The following TMEM117 variants were observed in gnomAD, a reference collection of about 807,000 sequenced individuals.
The protein encoded by TMEM117 is transmembrane protein 117.
A neutral mutation model predicts 52.4 loss-of-function variants in TMEM117; 27 were observed. The ratio of observed to expected loss-of-function variants is 0.51; its 90% CI spans 0.38 to 0.71. The LOEUF is 0.71. Ranked by LOEUF, TMEM117 falls within the 30% of genes least tolerant of loss-of-function variation. The probability of loss-of-function intolerance (pLI) is 0.00; values close to 1 mark genes in which losing one functional copy is unlikely to be tolerated. For missense variants in TMEM117, 556 were observed against 630.5 expected (o/e 0.88, Z 1.26); for synonymous variants, 215 against 206.3 (o/e 1.04, Z -0.36).
At chr12:44,002,287 C>T (rs937684826) in intron 3 of TMEM117, among the ~76,000 whole-genome samples, 1 of 152,132 alleles carries the variant, frequency 6.6e-6, no homozygotes, top group Non-Finnish European at 1.5e-5. Flanking sequence ...TAGAATAACC[C>T]CTTTTATGGA....
At chr12:44,385,099 A>T (rs1026568925) in intron 7 of TMEM117, among the ~76,000 whole-genome samples, 1 of 152,170 alleles carries the variant, frequency 6.6e-6, no homozygotes, top group Non-Finnish European at 1.5e-5. Flanking sequence ...TAAACAGGTT[A>T]CCCAAGGTCA....
chr12:44,300,150 G>A, intron 6 of TMEM117, among the ~76,000 whole-genome samples: 1 of 152,190 alleles, frequency 6.6e-6, no homozygotes. Flanking sequence ...GGGTTTTATA[G>A]CAGTTGAAAT....
At chr12:44,125,018 A>G (rs543914121) in intron 3 of TMEM117, among the ~76,000 whole-genome samples, 4 of 152,276 alleles carry the variant, frequency 2.6e-5, no homozygotes, top group African/African-American at 7.2e-5. Context: ...GGTAGAATTC[A>G]GCTGTGAATC....
intron 4 of TMEM117, among the ~76,000 whole-genome samples, chr12:44,180,222 C>CCATCAT (rs571227123): frequency 1.3e-5 from 2 of 151,758 alleles, no homozygotes; most frequent in African/African-American, 2.4e-5. Flanking sequence ...ATCACCATCA[C>CCATCAT]CATCATCATC....
intron 3 of TMEM117, among the ~76,000 whole-genome samples, chr12:44,101,172 CA>C (rs149035172): frequency 0.08 from 12,078 of 151,696 alleles, 1,389 homozygotes; most frequent in African/African-American, 0.26. Flanking sequence ...CTAATACCAC[CA>C]AATTAGAGAT....
At chr12:43,994,270 A>G (rs1433666811) in intron 3 of TMEM117, among the ~76,000 whole-genome samples, 2 of 152,190 alleles carry the variant, frequency 1.3e-5, no homozygotes, top group African/African-American at 2.4e-5. Flanking sequence ...AGTCAGAACT[A>G]AGGCAGTAAG....
chr12:44,135,221 G>T (rs1379085324), intron 3 of TMEM117, among the ~76,000 whole-genome samples: 1 of 152,104 alleles, frequency 6.6e-6, no homozygotes, highest in African/African-American at 2.4e-5. Flanking sequence ...GGGCATCATT[G>T]TATATGTCTC....
intron 6 of TMEM117, among the ~76,000 whole-genome samples, chr12:44,370,014 C>T (rs912142922): frequency 3.3e-5 from 5 of 152,198 alleles, no homozygotes; most frequent in African/African-American, 1.2e-4. Context: ...CAGGGCATCT[C>T]TTAACATTCA....
At chr12:43,874,383 C>G (rs1242743927) in intron 2 of TMEM117, among the ~76,000 whole-genome samples, 1 of 151,620 alleles carries the variant, frequency 6.6e-6, no homozygotes, top group African/African-American at 2.4e-5. Flanking sequence ...GAGTTTGAGA[C>G]CAGCCTGGTC....
At chr12:44,265,365 T>C (rs1950365421) in intron 5 of TMEM117, among the ~76,000 whole-genome samples, 1 of 152,164 alleles carries the variant, frequency 6.6e-6, no homozygotes, top group Non-Finnish European at 1.5e-5. Flanking sequence ...AATGACACAC[T>C]ACTGGAAGAA....
chr12:44,115,904 G>T (rs559571122), intron 3 of TMEM117, among the ~76,000 whole-genome samples: 1 of 152,166 alleles, frequency 6.6e-6, no homozygotes, highest in Non-Finnish European at 1.5e-5. Flanking sequence ...AAACACGATC[G>T]TGTCTTTCTC....
chr12:44,226,869 GT>G lies in TMEM117; in HGVS notation c.608+15485del, dbSNP rs1268976965. On this transcript the variant is annotated intron_variant, in intron 5 of 7. Transcript: ENST00000266534. ...AATGGAGAGAAAATAAAGATCTGTTGTTTAGGCATCTAGTCTGTGGTACTTT... is the reference window on the plus strand; with the variant it reads ...AATGGAGAGAAAATAAAGATCTGTTGTTAGGCATCTAGTCTGTGGTACTTT... Among the ~76,000 whole-genome samples, 14 of 152,196 alleles carry G rather than the reference GT, an allele frequency of 9.2e-5. No homozygotes were observed. The East Asian group carries it at 2.5e-3, about 27-fold the overall frequency.
At chr12:44,166,105 T>C (rs1411516830) in intron 4 of TMEM117, among the ~76,000 whole-genome samples, 1 of 152,144 alleles carries the variant, frequency 6.6e-6, no homozygotes, top group East Asian at 1.9e-4. Flanking sequence ...AAAATAAAAG[T>C]GTGCTCCTGA....
the TMEM117 span, chr12:43,806,282 G>T: frequency 6.7e-7 from 1 of 1,484,624 alleles, no homozygotes; most frequent in Non-Finnish European, 8.9e-7. Context: ...GGCGCTGAGT[G>T]CAGCCAGCGG....
chr12:44,029,415 G>A (rs539386217), intron 3 of TMEM117, among the ~76,000 whole-genome samples: 3 of 152,318 alleles, frequency 2.0e-5, no homozygotes, highest in African/African-American at 4.8e-5. Context: ...GATTAGGCAT[G>A]TTCAGGATCA....
intron 2 of TMEM117, among the ~76,000 whole-genome samples, chr12:43,940,865 T>C (rs764265832): frequency 1.3e-5 from 2 of 152,194 alleles, no homozygotes; most frequent in Non-Finnish European, 2.9e-5. Context: ...CTTTTAAATA[T>C]GCTTTTATAT....
intron 2 of TMEM117, among the ~76,000 whole-genome samples, chr12:43,887,091 C>A (rs751270791): frequency 6.6e-6 from 1 of 152,106 alleles, no homozygotes; most frequent in Non-Finnish European, 1.5e-5. Context: ...TCAAGTGACC[C>A]GCCCTCCTAG....
the TMEM117 span, among the ~76,000 whole-genome samples, chr12:43,817,198 C>T: frequency 6.6e-6 from 1 of 152,308 alleles, no homozygotes. Flanking sequence ...TGCCTGTTAA[C>T]CTACACTCAG....
intron 2 of TMEM117, among the ~76,000 whole-genome samples, chr12:43,857,309 G>T (rs1409689396): frequency 2.1e-5 from 2 of 96,638 alleles, no homozygotes; most frequent in Non-Finnish European, 4.6e-5. Context: ...TGCCTTTCTA[G>T]GTACTTTTTT....
Sources: gnomAD v4.1 joint callset for allele counts (sites outside exome capture counted in the v4.1 genomes callset) on GRCh38, gnomAD v4.1.1 for gene constraint, MANE v1.5 for transcripts, NCBI Gene and HGNC (gene_info 2026-07-23, HGNC 2026-07-21) for gene names.